Variants in P3H2 observed in about 807,000 individuals in gnomAD.
P3H2 encodes the protein prolyl 3-hydroxylase 2, also known as leprecan-like 1.
P3H2 carries 80 observed loss-of-function variants against 87.0 expected under a neutral mutation model. The ratio of observed to expected loss-of-function variants is 0.92; its 90% CI spans 0.77 to 1.11. The LOEUF (loss-of-function observed/expected upper bound fraction) is 1.11, where lower values mean the gene tolerates loss of function less well. Among genes scored for constraint, P3H2 ranks in the 50% least tolerant of loss-of-function variants. P3H2 has a pLI of 0.00. For missense variants in P3H2, 1,001 were observed against 923.9 expected (o/e 1.08, Z -1.08); for synonymous variants, 367 against 359.3 (o/e 1.02, Z -0.24).
At chr3:189,980,997 G>T (rs917350940) in intron 8 of P3H2, among the ~76,000 whole-genome samples, 1 of 152,238 alleles carries the variant, frequency 6.6e-6, no homozygotes, top group Non-Finnish European at 1.5e-5. Context: ...GATGTGATGA[G>T]CTTCTAGGTT....
At chr3:190,062,719 G>A (rs933522660) in intron 1 of P3H2, among the ~76,000 whole-genome samples, 5 of 151,980 alleles carry the variant, frequency 3.3e-5, no homozygotes, top group African/African-American at 1.2e-4. Flanking sequence ...ATCTCTCTGT[G>A]GCTTGGTTTT....
At chr3:189,986,950 G>T in intron 5 of P3H2, 73 bp from the exon 6 acceptor site, 1 of 1,017,606 alleles carries the variant, frequency 9.8e-7, no homozygotes, top group Non-Finnish European at 1.6e-6. Context: ...ATGTTCAGGT[G>T]GCAATATTTT....
chr3:189,960,203 G>A (rs775150107), intron 14 of P3H2, among the ~76,000 whole-genome samples: 47 of 152,096 alleles, frequency 3.1e-4, no homozygotes, highest in Non-Finnish European at 6.5e-4. Context: ...CTTGTTTGGC[G>A]AGGCCTCACA....
At chr3:190,031,873 T>C (rs1725266060) in intron 1 of P3H2, among the ~76,000 whole-genome samples, 1 of 152,160 alleles carries the variant, frequency 6.6e-6, no homozygotes, top group Admixed American at 6.5e-5. Flanking sequence ...AAGACAAGTA[T>C]AGACCAAGAA....
chr3:190,080,349 T>C (rs1475086961), intron 1 of P3H2, among the ~76,000 whole-genome samples: 1 of 152,148 alleles, frequency 6.6e-6, no homozygotes, highest in African/African-American at 2.4e-5. Flanking sequence ...CAACATCTGA[T>C]CATGTTGGCA....
intron 1 of P3H2, among the ~76,000 whole-genome samples, chr3:190,005,004 A>T (rs1166871933): frequency 6.6e-6 from 1 of 151,658 alleles, no homozygotes; most frequent in Non-Finnish European, 1.5e-5. Context: ...TTTGTCACAA[A>T]TCACTTGTCA....
intron 1 of P3H2, among the ~76,000 whole-genome samples, chr3:190,080,092 G>T (rs1232506009): frequency 6.6e-6 from 1 of 152,202 alleles, no homozygotes; most frequent in African/African-American, 2.4e-5. Flanking sequence ...TCATAAATGG[G>T]TAAGGAAAGT....
chr3:190,040,562 CT>C (rs1291988507), intron 1 of P3H2, among the ~76,000 whole-genome samples: 2 of 152,084 alleles, frequency 1.3e-5, no homozygotes, highest in Non-Finnish European at 2.9e-5. Context: ...GAAGGTAATG[CT>C]TTTATGTTTG....
intron 1 of P3H2, among the ~76,000 whole-genome samples, chr3:190,119,488 G>A (rs374377371): frequency 1.3e-5 from 2 of 152,258 alleles, no homozygotes; most frequent in East Asian, 3.9e-4. Context: ...ATGTCAATAT[G>A]CATACTATAC....
chr3:190,013,744 C>A (rs114272255), intron 1 of P3H2, among the ~76,000 whole-genome samples: 1,615 of 152,194 alleles, frequency 0.011, 29 homozygotes, highest in African/African-American at 0.037. Context: ...TTTACAGGTC[C>A]AGAGAGTAAG....
At chr3:190,006,249 G>A (rs1447477521) in intron 1 of P3H2, among the ~76,000 whole-genome samples, 1 of 152,178 alleles carries the variant, frequency 6.6e-6, no homozygotes, top group Non-Finnish European at 1.5e-5. Context: ...TAGAAGACTA[G>A]GGCTGGATAG....
At chr3:189,995,487 A>C in intron 1 of P3H2, 45 bp from the exon 2 acceptor site, 1 of 1,590,088 alleles carries the variant, frequency 6.3e-7, no homozygotes, top group Non-Finnish European at 8.6e-7. Flanking sequence ...AATATTTCCA[A>C]ATCACACTCA....
Position 190,048,968 on chromosome 3 carries a change from C to T in P3H2, c.481-53526G>A, listed in dbSNP as rs141333821. Reference sequence around the variant, plus strand: ...GTAGTTAGCATTTTAAGAACAAAAACGGGCTGCCTCTCACAGCTGTGTTGG... The same window carrying T: ...GTAGTTAGCATTTTAAGAACAAAAATGGGCTGCCTCTCACAGCTGTGTTGG... On this transcript the variant is annotated intron_variant, in intron 1 of 14. Transcript: ENST00000319332. 5.4e-4 allele frequency among the ~76,000 whole-genome samples: 82 copies of T among 152,238 alleles called. 1 individual carries two copies. In the East Asian group the frequency reaches 0.013, roughly 25 times the overall value.
intron 1 of P3H2, among the ~76,000 whole-genome samples, chr3:190,004,537 C>T (rs9821824): frequency 0.29 from 43,680 of 150,680 alleles, 6,736 homozygotes; most frequent in East Asian, 0.48. Flanking sequence ...CGCCCGCCTC[C>T]ACGCCCGGCT....
intron 1 of P3H2, among the ~76,000 whole-genome samples, chr3:190,018,835 A>C (rs1724848992): frequency 6.6e-6 from 1 of 152,228 alleles, no homozygotes; most frequent in Non-Finnish European, 1.5e-5. Flanking sequence ...GCCCCACTTA[A>C]GACTGTTGTA....
intron 1 of P3H2, among the ~76,000 whole-genome samples, chr3:190,065,243 G>A (rs762985798): frequency 6.6e-6 from 1 of 152,172 alleles, no homozygotes; most frequent in South Asian, 2.1e-4. Context: ...ACAAGACTGA[G>A]TTATACATCA....
At chr3:190,028,296 A>C (rs1446281514) in intron 1 of P3H2, among the ~76,000 whole-genome samples, 1 of 152,230 alleles carries the variant, frequency 6.6e-6, no homozygotes, top group Non-Finnish European at 1.5e-5. Context: ...CTGGCCTCTC[A>C]TCCAGCATAG....
At chr3:190,061,118 T>C (rs541283835) in intron 1 of P3H2, among the ~76,000 whole-genome samples, 3 of 152,260 alleles carry the variant, frequency 2.0e-5, no homozygotes, top group South Asian at 2.1e-4. Context: ...TAGAGGAATA[T>C]ACAAAGTAAG....
chr3:190,018,608 C>T (rs906360259), intron 1 of P3H2, among the ~76,000 whole-genome samples: 2 of 152,116 alleles, frequency 1.3e-5, no homozygotes, highest in African/African-American at 4.8e-5. Context: ...ACTTGGGAGG[C>T]TGAGGACAGA....
Sources: gnomAD v4.1 joint callset for allele counts (sites outside exome capture counted in the v4.1 genomes callset) on GRCh38, gnomAD v4.1.1 for gene constraint, MANE v1.5 for transcripts, NCBI Gene and HGNC (gene_info 2026-07-23, HGNC 2026-07-21) for gene names.